The following MCUB variants were observed in gnomAD, a reference collection of about 807,000 sequenced individuals.
The protein encoded by MCUB is calcium uniporter regulatory subunit MCUb, mitochondrial.
MCUB carries 46 observed loss-of-function variants against 41.4 expected under a neutral mutation model. The observed-to-expected ratio is 1.11, with a 90% CI of 0.88 to 1.42. The LOEUF (loss-of-function observed/expected upper bound fraction) is 1.42. Ranked by LOEUF, MCUB falls within the 40% of genes most tolerant of loss-of-function variation. The probability of loss-of-function intolerance (pLI) is 0.00; values close to 1 mark genes in which losing one functional copy is unlikely to be tolerated. For missense variants in MCUB, 403 were observed against 404.9 expected (o/e 1.00, Z 0.04); for synonymous variants, 148 against 148.2 (o/e 1.00, Z 0.01).
Position 109,589,511 on chromosome 4 carries a change from G to A in MCUB, c.99+29075G>A, listed in dbSNP as rs536765029. On this transcript the variant is annotated intron_variant, in intron 1 of 7. Transcript: ENST00000394650. ...GAAAGCCCTTAGGTTTAGGGATCTT[G>A]GGCAGAATCCTATAAATAACATTCG... Among the ~76,000 whole-genome samples, 5 of 152,238 alleles carry A rather than the reference G, an allele frequency of 3.3e-5. No homozygotes were observed. The South Asian group carries it at 6.2e-4, about 19-fold the overall frequency.
intron 1 of MCUB, among the ~76,000 whole-genome samples, chr4:109,629,639 A>T (rs1728432008): frequency 6.6e-6 from 1 of 152,220 alleles, no homozygotes; most frequent in South Asian, 2.1e-4. Flanking sequence ...GGCTCACAGA[A>T]AACTCAAGGA....
intron 4 of MCUB, among the ~76,000 whole-genome samples, chr4:109,668,180 A>G (rs1729386707): frequency 1.3e-5 from 2 of 152,022 alleles, no homozygotes. Context: ...GTTCAACTGT[A>G]TACCCCGTGA....
chr4:109,607,068 G>A (rs1727892627), intron 1 of MCUB, among the ~76,000 whole-genome samples: 1 of 151,906 alleles, frequency 6.6e-6, no homozygotes. Flanking sequence ...TTTTTTATTG[G>A]TTCATCTTTT....
intron 3 of MCUB, 105 bp from the exon 4 acceptor site, chr4:109,664,185 A>G (rs1382090043): frequency 1.5e-6 from 1 of 674,854 alleles, no homozygotes; most frequent in Non-Finnish European, 2.7e-6. Flanking sequence ...TAAATTGTCC[A>G]CTATTATATT....
At chr4:109,601,531 TA>T (rs759735267) in intron 1 of MCUB, among the ~76,000 whole-genome samples, 55 of 152,332 alleles carry the variant, frequency 3.6e-4, no homozygotes, top group Non-Finnish European at 7.4e-4. Flanking sequence ...TCACTTAACA[TA>T]ATCTCCATTT....
chr4:109,564,374 G>A (rs181312234), intron 1 of MCUB, among the ~76,000 whole-genome samples: 163 of 152,156 alleles, frequency 1.1e-3, no homozygotes, highest in African/African-American at 3.4e-3. Flanking sequence ...TCCTGACCTC[G>A]TGATCTGCCC....
intron 1 of MCUB, among the ~76,000 whole-genome samples, chr4:109,639,223 C>T (rs995566860): frequency 6.6e-6 from 1 of 152,182 alleles, no homozygotes; most frequent in African/African-American, 2.4e-5. Flanking sequence ...GTGTAAATTA[C>T]TCCTTGATCC....
intron 1 of MCUB, among the ~76,000 whole-genome samples, chr4:109,603,130 G>A (rs758649767): frequency 6.6e-5 from 10 of 152,078 alleles, no homozygotes; most frequent in Admixed American, 2.6e-4. Flanking sequence ...GCCGCTCTCC[G>A]CGGTCTCCCT....
intron 1 of MCUB, among the ~76,000 whole-genome samples, chr4:109,642,893 ATT>A (rs34076028): frequency 0.39 from 43,302 of 111,174 alleles, 7,666 homozygotes; most frequent in South Asian, 0.53. Flanking sequence ...TCTCAGCTAG[ATT>A]TTTTTTTTTT....
intron 4 of MCUB, among the ~76,000 whole-genome samples, chr4:109,678,992 CAGTCCTCACTTCCTAGAT>C (rs1729651545): frequency 6.8e-6 from 1 of 147,836 alleles, no homozygotes; most frequent in East Asian, 2.0e-4. Context: ...CAGGCAGAGA[CAGTCCTCACTTCCTAGAT>C]GGGGTGGCAG....
intron 4 of MCUB, among the ~76,000 whole-genome samples, chr4:109,672,524 G>A (rs1434880461): frequency 6.6e-6 from 1 of 152,166 alleles, no homozygotes; most frequent in African/African-American, 2.4e-5. Flanking sequence ...TTAAGGGTAG[G>A]AGGAAGAAAT....
chr4:109,669,318 T>C (rs1729406577), intron 4 of MCUB, among the ~76,000 whole-genome samples: 1 of 152,184 alleles, frequency 6.6e-6, no homozygotes, highest in South Asian at 2.1e-4. Flanking sequence ...CTTTGTTTTT[T>C]TCTCGGAATG....
intron 1 of MCUB, among the ~76,000 whole-genome samples, chr4:109,609,329 C>T (rs1339806582): frequency 6.6e-6 from 1 of 152,168 alleles, no homozygotes; most frequent in Admixed American, 6.5e-5. Context: ...ATATGCTAAA[C>T]AAGGGGTAGA....
rs149312240 is a variant in MCUB, at chr4:109,592,686, A to G, written c.99+32250A>G. ...GTTATTCCATACCACTGCAAAAAGT[A>G]AATCTACTCTAGTTCCATACTTGTT... On this transcript the variant is annotated intron_variant, in intron 1 of 7. Transcript: ENST00000394650. Among the ~76,000 whole-genome samples the G allele has an allele frequency of 5.8e-3, 887 of 152,358 alleles. 30 individuals carry two copies. The South Asian group carries it at 0.072, about 12-fold the overall frequency.
At chr4:109,638,446 T>G (rs1433313170) in intron 1 of MCUB, among the ~76,000 whole-genome samples, 1 of 151,926 alleles carries the variant, frequency 6.6e-6, no homozygotes, top group Non-Finnish European at 1.5e-5. Context: ...ATTAAGATAC[T>G]TTATTGCTAA....
At chr4:109,687,393 CT>C in intron 7 of MCUB, 121 bp from the exon 8 acceptor site, 1 of 648,260 alleles carries the variant, frequency 1.5e-6, no homozygotes, top group East Asian at 2.8e-5. Flanking sequence ...CCATTTGCCA[CT>C]AATAGTTTAA....
At chr4:109,597,732 G>C (rs565622204) in intron 1 of MCUB, among the ~76,000 whole-genome samples, 4,679 of 143,300 alleles carry the variant, frequency 0.033, 66 homozygotes, top group Non-Finnish European at 0.046. Context: ...CGGGCGGGGG[G>C]CTGACCCCCC....
Position 109,560,289 on chromosome 4 carries a change from G to C in MCUB, c.-49G>C, listed in dbSNP as rs1194377009. On this transcript the variant is annotated 5_prime_UTR_variant, in exon 1 of 8. Transcript: ENST00000394650. ...GCGCTGACGAGGAGCCCGGCTGAGG[G>C]AGGATGCGCCGCTGACGCCTGCGGG... The C allele has an allele frequency of 2.9e-5, 28 of 960,470 alleles. No individual in the cohort carries two copies. The highest frequency in any genetic ancestry group is 3.8e-5 in the Non-Finnish European group (28 of 738,256). 59.5% of individuals were successfully genotyped at this position (960,470 alleles called of 1,614,324 possible).
intron 1 of MCUB, among the ~76,000 whole-genome samples, chr4:109,574,066 G>C (rs183654797): frequency 5.9e-5 from 9 of 151,886 alleles, no homozygotes; most frequent in African/African-American, 1.9e-4. Context: ...TACAATCAGA[G>C]TTTTACCGTG....
Sources: allele counts gnomAD v4.1 joint callset (sites outside exome capture counted in the v4.1 genomes callset), GRCh38; gene constraint gnomAD v4.1.1; transcripts MANE v1.5; gene names NCBI Gene and HGNC (gene_info 2026-07-23, HGNC 2026-07-21).